Variants in CNTNAP4 observed in about 807,000 individuals in gnomAD.
The protein encoded by CNTNAP4 is contactin-associated protein-like 4.
Under a neutral mutation model 148.4 loss-of-function variants are expected in CNTNAP4, and 98 were observed. The ratio of observed to expected loss-of-function variants is 0.66; its 90% CI spans 0.56 to 0.78. The LOEUF is 0.78. CNTNAP4 is among the 30% of genes least tolerant of loss of function. The pLI, the probability that CNTNAP4 is intolerant of heterozygous loss-of-function variation, is 0.00. For missense variants in CNTNAP4, 1,935 were observed against 1,565.6 expected (o/e 1.24, Z -3.98); for synonymous variants, 730 against 565.1 (o/e 1.29, Z -4.14).
chr16:76,559,425 A>C lies in CNTNAP4; in HGVS notation c.*742A>C, dbSNP rs1357315813. On this transcript the variant is annotated 3_prime_UTR_variant, in exon 24 of 24. Coordinates refer to ENST00000611870, the MANE Select transcript of CNTNAP4 (RefSeq NM_033401.5). The stretch of plus-strand genomic sequence containing the variant: ...TCCTTTTAAAAAAAGTTTTCCAATT[A>C]ATTTGCTACCATTGTTTGATGGTGA... Among the ~76,000 whole-genome samples, 1 of 152,104 alleles carries C rather than the reference A, an allele frequency of 6.6e-6. No individual in the cohort carries two copies. The highest frequency in any genetic ancestry group is 2.4e-5 in the African/African-American group (1 of 41,422).
intron 2 of CNTNAP4, among the ~76,000 whole-genome samples, chr16:76,331,064 C>T (rs977880533): frequency 2.6e-5 from 4 of 151,068 alleles, no homozygotes; most frequent in Non-Finnish European, 2.9e-5. Flanking sequence ...TGGCATTTCA[C>T]AATTTTGTGA....
chr16:76,430,406 G>A (rs2079564763), intron 4 of CNTNAP4, among the ~76,000 whole-genome samples: 1 of 152,170 alleles, frequency 6.6e-6, no homozygotes, highest in Non-Finnish European at 1.5e-5. Context: ...AGGAAGGGCT[G>A]TAGTTGCTAT....
chr16:76,363,936 G>A (rs1468124001), intron 3 of CNTNAP4, among the ~76,000 whole-genome samples: 1 of 151,922 alleles, frequency 6.6e-6, no homozygotes, highest in Non-Finnish European at 1.5e-5. Flanking sequence ...GTATATTGGA[G>A]CTTTACCTTA....
intron 3 of CNTNAP4, among the ~76,000 whole-genome samples, chr16:76,419,430 T>C (rs948795151): frequency 2.6e-5 from 4 of 152,046 alleles, no homozygotes; most frequent in Admixed American, 6.6e-5. Context: ...CTAATCTTCA[T>C]AGAATGCATG....
chr16:76,504,246 A>G (rs1301281666), intron 15 of CNTNAP4, among the ~76,000 whole-genome samples: 1 of 152,194 alleles, frequency 6.6e-6, no homozygotes, highest in Non-Finnish European at 1.5e-5. Flanking sequence ...ACATTACAAT[A>G]GACAAATACA....
At chr16:76,316,069 A>G (rs973433656) in intron 1 of CNTNAP4, 2 of 362,766 alleles carry the variant, frequency 5.5e-6, no homozygotes, top group African/African-American at 4.2e-5. Flanking sequence ...TTTCTTTTTA[A>G]TTTCTTTACA....
chr16:76,289,774 T>C (rs1027540208), intron 1 of CNTNAP4, among the ~76,000 whole-genome samples: 3 of 152,042 alleles, frequency 2.0e-5, no homozygotes, highest in Admixed American at 1.3e-4. Context: ...TTTCACCATG[T>C]TGGTCAAGCT....
intron 3 of CNTNAP4, among the ~76,000 whole-genome samples, chr16:76,384,142 CA>C (rs572269899): frequency 1.1e-3 from 162 of 152,166 alleles, no homozygotes; most frequent in African/African-American, 3.7e-3. Context: ...CTCCCAGGTT[CA>C]AGTGATTCTC....
intron 11 of CNTNAP4, among the ~76,000 whole-genome samples, chr16:76,477,157 C>T (rs1597671251): frequency 2.0e-5 from 3 of 152,090 alleles, no homozygotes; most frequent in East Asian, 3.9e-4. Context: ...CATGTGACAA[C>T]ATCTTCTAGA....
At chr16:76,526,009 A>G (rs2083715695) in intron 17 of CNTNAP4, among the ~76,000 whole-genome samples, 1 of 151,944 alleles carries the variant, frequency 6.6e-6, no homozygotes, top group Non-Finnish European at 1.5e-5. Flanking sequence ...TCATATATAT[A>G]TACATTTTCA....
intron 2 of CNTNAP4, among the ~76,000 whole-genome samples, chr16:76,331,350 G>C (rs1165417411): frequency 1.3e-5 from 2 of 151,792 alleles, no homozygotes; most frequent in African/African-American, 4.8e-5. Context: ...ACCATGCTCG[G>C]CTAATTTTTT....
At chr16:76,425,195 A>C (rs1350836495) in intron 3 of CNTNAP4, among the ~76,000 whole-genome samples, 1 of 152,180 alleles carries the variant, frequency 6.6e-6, no homozygotes, top group African/African-American at 2.4e-5. Flanking sequence ...GCAAAACAAC[A>C]GCAGCAACAA....
chr16:76,373,979 CAG>C (rs1291261497), intron 3 of CNTNAP4, among the ~76,000 whole-genome samples: 1 of 151,126 alleles, frequency 6.6e-6, no homozygotes, highest in East Asian at 1.9e-4. Context: ...GTCTATAAAT[CAG>C]AGAGATAAGA....
intron 2 of CNTNAP4, among the ~76,000 whole-genome samples, chr16:76,330,665 C>T (rs1963422942): frequency 6.6e-6 from 1 of 152,152 alleles, no homozygotes. Flanking sequence ...TCTTAGCTAG[C>T]CCGTCTTTGC....
chr16:76,320,160 A>G (rs1962253440), intron 2 of CNTNAP4, among the ~76,000 whole-genome samples: 1 of 152,202 alleles, frequency 6.6e-6, no homozygotes, highest in Non-Finnish European at 1.5e-5. Flanking sequence ...ATGTTATTGG[A>G]CATAGGAGGG....
rs1012889298 is a variant in CNTNAP4, at chr16:76,277,414, G to A, written c.-249G>A. 1 of 446,458 alleles carries A rather than the reference G, an allele frequency of 2.2e-6. No homozygotes were observed. The highest frequency in any genetic ancestry group is 2.0e-5 in the African/African-American group (1 of 50,312). 27.7% of individuals were successfully genotyped at this position (446,458 alleles called of 1,614,324 possible). A position where few individuals can be genotyped will look rare whatever the true frequency, so the allele number is the denominator to read the frequency against. On this transcript the variant is annotated 5_prime_UTR_variant, in exon 1 of 24. Coordinates refer to ENST00000611870, the MANE Select transcript of CNTNAP4 (RefSeq NM_033401.5). ...AAGATGCTGAGTGCTTTTCAGTGAG[G>A]AGTCAGGGAGGTGTGTGTGAGAGAG...
At position 76,448,774 on chromosome 16, in the gene CNTNAP4, T is replaced by G; in HGVS notation, c.750T>G (p.Ala250=). 3 of 1,605,364 alleles carry G rather than the reference T, an allele frequency of 1.9e-6. No homozygotes were observed. The highest frequency in any genetic ancestry group is 2.6e-6 in the Non-Finnish European group (3 of 1,175,784). The change falls in exon 6 of 24, where the codon GCT becomes GCG. Residue 250 remains alanine (A), a synonymous_variant. Transcript: ENST00000611870. ...TTTTTCTCCTCTTCTAAGGTGAAGC[T>G]AAACTGCCTTCCACTTCCACCCTGG... ...RLFLLINSGE[A]KLPSTSTLVN...
intron 12 of CNTNAP4, among the ~76,000 whole-genome samples, chr16:76,484,577 G>A (rs1318171399): frequency 6.6e-6 from 1 of 152,094 alleles, no homozygotes; most frequent in Non-Finnish European, 1.5e-5. Flanking sequence ...AGGAAGCCAA[G>A]AATGGGGGAG....
At chr16:76,497,173 A>C (rs1376092540) in intron 14 of CNTNAP4, among the ~76,000 whole-genome samples, 2 of 152,212 alleles carry the variant, frequency 1.3e-5, no homozygotes, top group African/African-American at 4.8e-5. Context: ...CTTAATTAAA[A>C]AATTAAATTC....
Sources: allele counts gnomAD v4.1 joint callset (sites outside exome capture counted in the v4.1 genomes callset), GRCh38; gene constraint gnomAD v4.1.1; transcripts MANE v1.5; gene names NCBI Gene and HGNC (gene_info 2026-07-23, HGNC 2026-07-21).